PPFIA3: variants seen among roughly 807,000 people sequenced by gnomAD.
The protein encoded by PPFIA3 is PPFI scaffold protein A3.
In PPFIA3, 26 loss-of-function variants were observed where a neutral mutation model predicts 145.8. That is an observed-to-expected ratio of 0.18 (90% CI 0.13 to 0.25). PPFIA3 has a LOEUF of 0.25. Among genes scored for constraint, PPFIA3 ranks in the 10% least tolerant of loss-of-function variants. The probability of loss-of-function intolerance (pLI) is 1.00; values close to 1 mark genes in which losing one functional copy is unlikely to be tolerated. For missense variants in PPFIA3, 1,008 were observed against 1,587.8 expected (o/e 0.63, Z 6.21); for synonymous variants, 645 against 661.4 (o/e 0.98, Z 0.38).
Position 49,135,895 on chromosome 19 carries a change from G to C in PPFIA3, c.1637G>C (p.Trp546Ser). 9 of 1,613,166 alleles carry C rather than the reference G, an allele frequency of 5.6e-6. No individual in the cohort carries two copies. Among genetic ancestry groups the C allele is most frequent in the Non-Finnish European group, 7.6e-6 (9 of 1,179,626 alleles). ...GSGRAGKRGR[W>S]SGVKEEPSKD... ...GGTCGGGCAGGCAAGAGGGGCCGCT[G>C]GTCAGGGGTCAAGGAGGAGCCCTCC... Residue 546 changes from tryptophan (W) to serine (S), a missense_variant, in exon 14 of 30, where the codon TGG becomes TCG. Physicochemically the swap from Trp to Ser is radical, Grantham distance 177 (BLOSUM62 -3). Around this residue, in one of 11 missense-constraint regions of PPFIA3, gnomAD observed 121 missense variants for 138.2 expected, o/e 0.88. Coordinates refer to ENST00000334186, the MANE Select transcript of PPFIA3 (RefSeq NM_003660.4).
Position 49,131,903 on chromosome 19 carries a change from G to A in PPFIA3, c.880-1098G>A, listed in dbSNP as rs183151640. ...CGGGCGCCCGTAGTCCCAGCTACTC[G>A]GGAGGCTGAGGCAGGAGAATGGCGT... On this transcript the variant is annotated intron_variant, in intron 7 of 29. Coordinates refer to ENST00000334186, the MANE Select transcript of PPFIA3 (RefSeq NM_003660.4). 8.8e-3 allele frequency among the ~76,000 whole-genome samples: 1,333 copies of A among 152,018 alleles called. 15 individuals carry two copies. The highest frequency in any genetic ancestry group is 0.029 in the African/African-American group (1,201 of 41,464).
intron 24 of PPFIA3, 110 bp downstream of exon 24, chr19:49,148,368 T>C (rs1342190915): frequency 2.4e-6 from 3 of 1,229,180 alleles, no homozygotes; most frequent in Non-Finnish European, 3.3e-6. Context: ...TTGGCCCTTT[T>C]AGCCTGAGTT....
chr19:49,136,717 G>A lies in PPFIA3; in HGVS notation c.1666-7G>A, dbSNP rs1386861587. On this transcript the variant is annotated splice_polypyrimidine_tract_variant and splice_region_variant and intron_variant, in intron 14 of 29. Coordinates refer to ENST00000334186, the MANE Select transcript of PPFIA3 (RefSeq NM_003660.4). ...CCTAATGTCCCTCTGTCCCCACACAGGGATAGGATTGGGAGCGGTCTGCCC... is the reference window on the plus strand; with the variant it reads ...CCTAATGTCCCTCTGTCCCCACACAAGGATAGGATTGGGAGCGGTCTGCCC... 1.4e-6 allele frequency: 2 copies of A among 1,459,530 alleles called. No homozygotes were observed. The highest frequency in any genetic ancestry group is 1.8e-6 in the Non-Finnish European group (2 of 1,090,550). 90.4% of individuals were successfully genotyped at this position (1,459,530 alleles called of 1,614,324 possible).
In PPFIA3 at chr19:49,141,484, A is replaced by G. The variant is rs779060434; in HGVS notation, c.2433A>G (p.Pro811=). ...TGGGGCTAGCCAAGCTGACAGGCCC[A>G]GGAGACAAGGACCGAAGGAACAAGA... ...DPLGLAKLTG[P]GDKDRRNKRK... Residue 811 remains proline, a synonymous_variant, in exon 19 of 30, where the codon CCA becomes CCG. Transcript: ENST00000334186. 6.2e-7 allele frequency: 1 copy of G among 1,614,060 alleles called. No homozygotes were observed. Among genetic ancestry groups the G allele is most frequent in the Non-Finnish European group, 8.5e-7 (1 of 1,179,954 alleles).
At chr19:49,122,956 C>T (rs1009386542) in intron 1 of PPFIA3, among the ~76,000 whole-genome samples, 3 of 151,796 alleles carry the variant, frequency 2.0e-5, no homozygotes, top group East Asian at 1.9e-4. Context: ...CTGTTAACCT[C>T]GTGATCCACC....
At chr19:49,131,436 C>T (rs1047116658) in intron 7 of PPFIA3, among the ~76,000 whole-genome samples, 12 of 150,776 alleles carry the variant, frequency 8.0e-5, no homozygotes, top group African/African-American at 1.5e-4. Context: ...CAGCTCGCCT[C>T]GGCCCAAAGT....
Position 49,149,038 on chromosome 19 carries a change from G to C in PPFIA3, c.3155G>C (p.Gly1052Ala). 1 of 1,614,140 alleles carries C rather than the reference G, an allele frequency of 6.2e-7. No individual in the cohort carries two copies. The highest frequency in any genetic ancestry group is 8.5e-7 in the Non-Finnish European group (1 of 1,180,024). The change falls in exon 26 of 30, where the codon GGG (glycine) becomes GCG (alanine). Residue 1052 changes from glycine to alanine, a missense_variant. By Grantham distance (60) the Gly-to-Ala change is moderately conservative. Transcript: ENST00000334186. This position sits in a 1 kb window ranked among gnomAD's most constrained non-coding sequence, Gnocchi z 5.7. ...GAGCGGGTCATGGGTTGGGTGTCCG[G>C]GCTGGGCCTGAAGGAATTTGCCACG... ...SNERVMGWVS[G>A]LGLKEFATNL...
chr19:49,143,859 G>A (rs2041252368), intron 21 of PPFIA3, among the ~76,000 whole-genome samples: 1 of 152,006 alleles, frequency 6.6e-6, no homozygotes, highest in Non-Finnish European at 1.5e-5. Flanking sequence ...TAGAATTTCT[G>A]ATTTTAAAAA....
At position 49,130,052 on chromosome 19, in the gene PPFIA3, G is replaced by T; in HGVS notation, c.642G>T (p.Lys214Asn). Reference protein sequence around the residue: ...RRRSGLEEPGKDGDGQTLANG... With the variant: ...RRRSGLEEPGNDGDGQTLANG... ...GGTCAGGGCTGGAAGAGCCGGGCAA[G>T]GATGGGGATGGGCAGGTGAGACATG... Residue 214 changes from lysine to asparagine, a missense_variant, in exon 6 of 30, where the codon AAG becomes AAT. Physicochemically the swap from Lys to Asn is moderately conservative, Grantham distance 94 (BLOSUM62 0). Around this residue, in one of 11 missense-constraint regions of PPFIA3, gnomAD observed 136 missense variants for 160.7 expected, o/e 0.85. Coordinates refer to ENST00000334186, the MANE Select transcript of PPFIA3 (RefSeq NM_003660.4). This position sits in a 1 kb window ranked among gnomAD's most constrained non-coding sequence, Gnocchi z 4.5. 4 of 1,612,748 alleles carry T rather than the reference G, an allele frequency of 2.5e-6. No individual in the cohort carries two copies. The highest frequency in any genetic ancestry group is 3.4e-6 in the Non-Finnish European group (4 of 1,179,574).
rs201904143 is a variant in PPFIA3, at chr19:49,149,508, G to T, written c.3355-39G>T. 6.2e-7 allele frequency: 1 copy of T among 1,612,808 alleles called. No individual in the cohort carries two copies. The highest frequency in any genetic ancestry group is 1.1e-5 in the South Asian group (1 of 90,946). On this transcript the variant is annotated intron_variant, in intron 27 of 29. Transcript: ENST00000334186. This position sits in a 1 kb window ranked among gnomAD's most constrained non-coding sequence, Gnocchi z 5.7. ...AAAGGAAGGGGCGGAGTCAGACAAGGCAGGAGTCCCTCACCGGCTGTCCGG... is the reference window on the plus strand; with the variant it reads ...AAAGGAAGGGGCGGAGTCAGACAAGTCAGGAGTCCCTCACCGGCTGTCCGG...
Position 49,130,640 on chromosome 19 carries a change from CT to C in PPFIA3, c.879+44del. ...AGGCGGGCTGCCCTGGGTCCCTCGCCTTTCCGTAGAGCTCTCCCTCGCGCAT... is the reference window on the plus strand; with the variant it reads ...AGGCGGGCTGCCCTGGGTCCCTCGCCTTCCGTAGAGCTCTCCCTCGCGCAT... On this transcript the variant is annotated intron_variant, in intron 7 of 29. Transcript: ENST00000334186. This position sits in a 1 kb window ranked among gnomAD's most constrained non-coding sequence, Gnocchi z 4.5. 1 of 1,513,128 alleles carries C rather than the reference CT, an allele frequency of 6.6e-7. No individual in the cohort carries two copies. The highest frequency in any genetic ancestry group is 8.9e-7 in the Non-Finnish European group (1 of 1,119,944). 93.7% of individuals were successfully genotyped at this position (1,513,128 alleles called of 1,614,324 possible). A position where few individuals can be genotyped will look rare whatever the true frequency, so the allele number is the denominator to read the frequency against.
chr19:49,135,023 T>A, intron 13 of PPFIA3, 108 bp downstream of exon 13: 2 of 905,502 alleles, frequency 2.2e-6, no homozygotes, highest in South Asian at 2.1e-5. Flanking sequence ...TTCTGACCCC[T>A]CTGTTTTTGT....
rs375413001 is a variant in PPFIA3, at chr19:49,149,372, G to A, written c.3354+47G>A. On this transcript the variant is annotated intron_variant, in intron 27 of 29. Transcript: ENST00000334186. This position sits in a 1 kb window ranked among gnomAD's most constrained non-coding sequence, Gnocchi z 5.7. ...AGGGCTCTGCTCCCAGCGGCTCCTCGAGAGGCTGAGCTGAGGGGGCGGGGC... is the reference window on the plus strand; with the variant it reads ...AGGGCTCTGCTCCCAGCGGCTCCTCAAGAGGCTGAGCTGAGGGGGCGGGGC... The A allele has an allele frequency of 3.1e-6, 5 of 1,608,416 alleles. No homozygotes were observed. In the South Asian group the frequency reaches 4.4e-5, roughly 14 times the overall value.
chr19:49,141,345 C>A, intron 18 of PPFIA3, 75 bp from the exon 19 acceptor site: 2 of 1,177,590 alleles, frequency 1.7e-6, no homozygotes, highest in East Asian at 2.4e-5. Context: ...CCGGCATTTT[C>A]CTCATCACCT....
intron 14 of PPFIA3, among the ~76,000 whole-genome samples, chr19:49,136,278 G>A (rs1397739500): frequency 6.6e-6 from 1 of 152,034 alleles, no homozygotes; most frequent in African/African-American, 2.4e-5. Context: ...TTTGGGGAGG[G>A]ATCAAGAACA....
intron 15 of PPFIA3, among the ~76,000 whole-genome samples, chr19:49,137,458 G>T (rs573150434): frequency 6.6e-6 from 1 of 151,890 alleles, no homozygotes; most frequent in African/African-American, 2.4e-5. Flanking sequence ...GTGAAAACCT[G>T]TCTCTACTAA....
Position 49,130,234 on chromosome 19 carries a change from C to T in PPFIA3, c.658-144C>T. 8.9e-7 allele frequency: 1 copy of T among 1,124,244 alleles called. No individual in the cohort carries two copies. The highest frequency in any genetic ancestry group is 1.6e-5 in the South Asian group (1 of 62,876). 69.6% of individuals were successfully genotyped at this position (1,124,244 alleles called of 1,614,324 possible). On this transcript the variant is annotated intron_variant, in intron 6 of 29. Transcript: ENST00000334186. The surrounding 1 kb of genome is among the most constrained non-coding windows in gnomAD (Gnocchi z 4.5). Reference sequence around the variant, plus strand: ...AGGTCACCTAGCGAACTTCTGTGACCTCCTTCACTGACCCCCGTGGACTCT... The same window carrying T: ...AGGTCACCTAGCGAACTTCTGTGACTTCCTTCACTGACCCCCGTGGACTCT...
chr19:49,141,601 A>AT, intron 19 of PPFIA3, 88 bp downstream of exon 19: 2 of 822,908 alleles, frequency 2.4e-6, no homozygotes, highest in South Asian at 3.8e-5. Context: ...TGTGTGTATG[A>AT]GTGTGTGTGT....
At chr19:49,132,009 C>CAAA (rs34793375) in intron 7 of PPFIA3, among the ~76,000 whole-genome samples, 2,076 of 69,782 alleles carry the variant, frequency 0.03, 51 homozygotes, top group Admixed American at 0.08. Flanking sequence ...GACTCCGTCT[C>CAAA]AAAAAAAAAA....
Sources: allele counts gnomAD v4.1 joint callset (sites outside exome capture counted in the v4.1 genomes callset), GRCh38; gene constraint gnomAD v4.1.1; regional missense constraint gnomAD v4.1.1; non-coding constraint Gnocchi (gnomAD v3.1); transcripts MANE v1.5; gene names NCBI Gene and HGNC (gene_info 2026-07-23, HGNC 2026-07-21).